Variants in ZNF292 observed in about 807,000 individuals in gnomAD.
ZNF292 encodes 16 zinc-finger domain protein.
A neutral mutation model predicts 217.9 loss-of-function variants in ZNF292; 26 were observed. The ratio of observed to expected loss-of-function variants is 0.12; its 90% CI spans 0.09 to 0.17. The LOEUF is 0.17. Among genes scored for constraint, ZNF292 ranks in the 10% least tolerant of loss-of-function variants. ZNF292 has a pLI of 1.00. For synonymous variants in ZNF292, 1,257 were observed against 1,124.1 expected, an observed-to-expected ratio of 1.12 and a Z score of -2.37; for missense variants, 2,904 against 3,175.2, an observed-to-expected ratio of 0.91 and a Z score of 2.05.
Position 87,260,312 on chromosome 6 carries a change from C to G in ZNF292, c.6683C>G (p.Thr2228Ser). The change falls in exon 8 of 8, where the codon ACT becomes AGT. Residue 2228 changes from threonine to serine, a missense_variant. By Grantham distance (58) the Thr-to-Ser change is moderately conservative. Transcript: ENST00000369577. ...CAGTTAGAGTGTAAATCTTCATTTACTACATATTTGAACTATGTTGTTCAT... is the reference window on the plus strand; with the variant it reads ...CAGTTAGAGTGTAAATCTTCATTTAGTACATATTTGAACTATGTTGTTCAT... ...CDQLECKSSF[T>S]TYLNYVVHLE... 1 of 1,613,510 alleles carries G rather than the reference C, an allele frequency of 6.2e-7. No homozygotes were observed. The highest frequency in any genetic ancestry group is 8.5e-7 in the Non-Finnish European group (1 of 1,179,594).
Position 87,258,288 on chromosome 6 carries a change from G to A in ZNF292, c.4659G>A (p.Thr1553=), listed in dbSNP as rs767645139. 52 of 1,613,270 alleles carry A rather than the reference G, an allele frequency of 3.2e-5. No individual in the cohort carries two copies. Among genetic ancestry groups the A allele is most frequent in the South Asian group, 9.9e-5 (9 of 90,994 alleles). ...CCTTGCTGACCAACCAGAATAGGAC[G>A]TCAAACTCCAAAACTTCCTCCATTG... The part of the protein sequence containing the change: ...PNTLLTNQNR[T]SNSKTSSIEE... The change falls in exon 8 of 8, where the codon ACG becomes ACA. Residue 1553 remains threonine (T), a synonymous_variant. Transcript: ENST00000369577.
At chr6:87,196,628 A>C (rs181770662) in intron 1 of ZNF292, among the ~76,000 whole-genome samples, 202 of 152,310 alleles carry the variant, frequency 1.3e-3, no homozygotes, top group Non-Finnish European at 1.7e-3. Context: ...CACTTACTCA[A>C]AGTTGATATA....
chr6:87,252,729 G>C (rs892222251), intron 7 of ZNF292, among the ~76,000 whole-genome samples: 1 of 151,992 alleles, frequency 6.6e-6, no homozygotes, highest in Non-Finnish European at 1.5e-5. Flanking sequence ...TGGCCTAATT[G>C]TTCACCATTA....
chr6:87,230,984 C>G lies in ZNF292; in HGVS notation c.539-2341C>G, dbSNP rs373400805. ...CTTTGTGGGATGCTAGTGGGAAAAG[C>G]AGACTAGGGAGTGAAATTTGATACG... On this transcript the variant is annotated intron_variant, in intron 4 of 7. Coordinates refer to ENST00000369577, the MANE Select transcript of ZNF292 (RefSeq NM_015021.3). 2.6e-5 allele frequency among the ~76,000 whole-genome samples: 4 copies of G among 152,130 alleles called. No individual in the cohort carries two copies. In the South Asian group the frequency reaches 8.3e-4, roughly 32 times the overall value.
chr6:87,187,527 T>G (rs1771700772), intron 1 of ZNF292, among the ~76,000 whole-genome samples: 2 of 151,984 alleles, frequency 1.3e-5, no homozygotes, highest in South Asian at 4.2e-4. Context: ...GAGACCAGCC[T>G]GGCCAACATG....
chr6:87,212,808 C>A (rs754207169), intron 1 of ZNF292, among the ~76,000 whole-genome samples: 5 of 152,204 alleles, frequency 3.3e-5, no homozygotes, highest in Middle Eastern at 3.2e-3. Flanking sequence ...TCATTTCTAG[C>A]AGTCCATAGT....
chr6:87,258,492 TAAA>T lies in ZNF292; in HGVS notation c.4866_4868del (p.Lys1623del), dbSNP rs1775365742. On this transcript the variant is annotated inframe_deletion, in exon 8 of 8. Transcript: ENST00000369577. ...AGAACACAAGATCCAGTCATTTAAA[TAAA>T]AAGGGAAACAGTGCTTCTAAGAGAA... The T allele has an allele frequency of 6.2e-7, 1 of 1,613,562 alleles. No individual in the cohort carries two copies. The highest frequency in any genetic ancestry group is 1.3e-5 in the African/African-American group (1 of 74,910).
chr6:87,257,428 G>C lies in ZNF292; in HGVS notation c.3799G>C (p.Ala1267Pro). The change falls in exon 8 of 8, where the codon GCA (alanine) becomes CCA (proline). Residue 1267 changes from alanine (A) to proline (P), a missense_variant. By Grantham distance (27) the Ala-to-Pro change is conservative (BLOSUM62 -1). Coordinates refer to ENST00000369577, the MANE Select transcript of ZNF292 (RefSeq NM_015021.3). ...CTCAGATCCTTTCCTTCCTTTACCT[G>C]CAGAAAGTAGTTCAATGTCTCTCTT... ...SGSDPFLPLPAESSSMSLFPS... is the reference protein window; with the variant it reads ...SGSDPFLPLPPESSSMSLFPS... 1 of 1,613,434 alleles carries C rather than the reference G, an allele frequency of 6.2e-7. No individual in the cohort carries two copies. The highest frequency in any genetic ancestry group is 8.5e-7 in the Non-Finnish European group (1 of 1,179,712).
Position 87,177,000 on chromosome 6 carries a change from G to GC in ZNF292, c.168+21247dup, listed in dbSNP as rs1166083659. 3.7e-3 allele frequency among the ~76,000 whole-genome samples: 558 copies of GC among 151,292 alleles called. 3 individuals carry two copies. The highest frequency in any genetic ancestry group is 0.013 in the African/African-American group (514 of 41,120). On this transcript the variant is annotated intron_variant, in intron 1 of 7. Coordinates refer to ENST00000369577, the MANE Select transcript of ZNF292 (RefSeq NM_015021.3). ...CTATTCTGATGCACCGCCTCCCCCG[G>GC]CCCCCCACTCCTCCCCACAGACACA...
chr6:87,160,907 G>A (rs57217108), intron 1 of ZNF292, among the ~76,000 whole-genome samples: 12,408 of 151,990 alleles, frequency 0.082, 857 homozygotes, highest in African/African-American at 0.19. Flanking sequence ...AAATGAAAGC[G>A]TAATTCCTCT....
At chr6:87,253,250 G>T (rs1775028292) in intron 7 of ZNF292, among the ~76,000 whole-genome samples, 2 of 128,520 alleles carry the variant, frequency 1.6e-5, no homozygotes, top group South Asian at 4.7e-4. Flanking sequence ...TTTGAGACAG[G>T]GTCTCACTTT....
Position 87,209,526 on chromosome 6 carries a change from A to G in ZNF292, c.169-6377A>G, listed in dbSNP as rs141120580. Among the ~76,000 whole-genome samples, 550 of 152,306 alleles carry G rather than the reference A, an allele frequency of 3.6e-3. 2 individuals are homozygous for G. The highest frequency in any genetic ancestry group is 0.013 in the African/African-American group (528 of 41,566). Reference sequence around the variant, plus strand: ...GTTTAGAAGGTCAAAACTGTAAGACATTATTTGCCACCTTTCAGTCGTGTA... The same window carrying G: ...GTTTAGAAGGTCAAAACTGTAAGACGTTATTTGCCACCTTTCAGTCGTGTA... On this transcript the variant is annotated intron_variant, in intron 1 of 7. Transcript: ENST00000369577.
chr6:87,172,553 T>C (rs1289120596), intron 1 of ZNF292, among the ~76,000 whole-genome samples: 1 of 152,038 alleles, frequency 6.6e-6, no homozygotes, highest in African/African-American at 2.4e-5. Flanking sequence ...AGAAGTACTA[T>C]AGTAGTCATG....
intron 5 of ZNF292, among the ~76,000 whole-genome samples, chr6:87,234,799 G>A (rs1308841713): frequency 6.6e-6 from 1 of 152,140 alleles, no homozygotes; most frequent in Non-Finnish European, 1.5e-5. Flanking sequence ...ATTGTCATCA[G>A]TCTCAAAGCA....
At chr6:87,247,448 A>C (rs966630286) in intron 7 of ZNF292, among the ~76,000 whole-genome samples, 1 of 152,214 alleles carries the variant, frequency 6.6e-6, no homozygotes, top group African/African-American at 2.4e-5. Flanking sequence ...GGGTCAGAGG[A>C]GGAAAATCTT....
chr6:87,195,706 A>T (rs1446662236), intron 1 of ZNF292, among the ~76,000 whole-genome samples: 1 of 152,164 alleles, frequency 6.6e-6, no homozygotes, highest in Non-Finnish European at 1.5e-5. Flanking sequence ...AATATTTAAA[A>T]TTATCTAAAA....
At chr6:87,208,315 T>C (rs1017552733) in intron 1 of ZNF292, among the ~76,000 whole-genome samples, 18 of 152,132 alleles carry the variant, frequency 1.2e-4, no homozygotes, top group Admixed American at 5.9e-4. Flanking sequence ...TTCTAGAAAA[T>C]TAATTTGAAT....
rs1775506324 is a variant in ZNF292 at position 87,260,452 on chromosome 6, C to T, written c.6823C>T (p.Arg2275Ter). 6.2e-7 allele frequency: 1 copy of T among 1,613,374 alleles called. No individual in the cohort carries two copies. The highest frequency in any genetic ancestry group is 1.7e-5 in the Admixed American group (1 of 59,910). Reference sequence around the variant, plus strand: ...ATATGCAACCCGGTCGAATCTCCTCCGACACATTTTTAATAAGCATAATGA... The same window carrying T: ...ATATGCAACCCGGTCGAATCTCCTCTGACACATTTTTAATAAGCATAATGA... ...RIYATRSNLLRHIFNKHNDKH... is the reference protein window; with the variant it reads ...RIYATRSNLL The change falls in exon 8 of 8, where the codon CGA becomes TGA. Residue 2275 changes from arginine (R) to a stop codon, truncating the protein, a stop_gained. Coordinates refer to ENST00000369577, the MANE Select transcript of ZNF292 (RefSeq NM_015021.3). LOFTEE classifies it high-confidence loss of function.
In ZNF292 at chr6:87,256,045, A is replaced by G. The variant is rs141471764; in HGVS notation, c.2416A>G (p.Thr806Ala). The change falls in exon 8 of 8, where the codon ACG (threonine) becomes GCG (alanine). Residue 806 changes from threonine (T) to alanine (A), a missense_variant. Transcript: ENST00000369577. ...LYDHEAQHYNTYTCKFTGCGK... is the reference protein window; with the variant it reads ...LYDHEAQHYNAYTCKFTGCGK... ...TGATCATGAAGCACAACATTATAAT[A>G]CGTACACTTGTAAGTTCACAGGTTG... 1 of 1,609,694 alleles carries G rather than the reference A, an allele frequency of 6.2e-7. No individual in the cohort carries two copies. The highest frequency in any genetic ancestry group is 2.2e-5 in the East Asian group (1 of 44,806).
Sources: gnomAD v4.1 joint callset for allele counts (sites outside exome capture counted in the v4.1 genomes callset) on GRCh38, gnomAD v4.1.1 for gene constraint, MANE v1.5 for transcripts, NCBI Gene and HGNC (gene_info 2026-07-23, HGNC 2026-07-21) for gene names.